MYO1D: variants seen among roughly 807,000 people sequenced by gnomAD.
The protein encoded by MYO1D is myosin ID.
MYO1D carries 83 observed loss-of-function variants against 122.0 expected under a neutral mutation model. That is an observed-to-expected ratio of 0.68 (90% CI 0.57 to 0.82). MYO1D has a LOEUF of 0.82. MYO1D is among the 40% of genes least tolerant of loss of function. The probability of loss-of-function intolerance (pLI) is 0.00; values close to 1 mark genes in which losing one functional copy is unlikely to be tolerated. For synonymous variants in MYO1D, 464 were observed against 446.9 expected (o/e 1.04, Z -0.48); for missense variants, 1,157 against 1,269.5 (o/e 0.91, Z 1.35).
At chr17:32,801,699 G>A (rs1038921835) in intron 1 of MYO1D, among the ~76,000 whole-genome samples, 2 of 152,204 alleles carry the variant, frequency 1.3e-5, no homozygotes, top group Non-Finnish European at 2.9e-5. Flanking sequence ...GTAGACACAT[G>A]TATGTGTGTG....
intron 20 of MYO1D, among the ~76,000 whole-genome samples, chr17:32,620,783 G>A (rs2087845314): frequency 6.6e-6 from 1 of 152,174 alleles, no homozygotes; most frequent in Admixed American, 6.5e-5. Flanking sequence ...TTCTCCTGCA[G>A]TGGTTTCTGA....
At chr17:32,516,477 T>C (rs1429176881) in intron 21 of MYO1D, among the ~76,000 whole-genome samples, 1 of 152,238 alleles carries the variant, frequency 6.6e-6, no homozygotes, top group Admixed American at 6.5e-5. Context: ...GTGTGGGTTC[T>C]CTCAGGCCAC....
At chr17:32,660,475 GT>G (rs1017089888) in intron 16 of MYO1D, among the ~76,000 whole-genome samples, 3 of 152,186 alleles carry the variant, frequency 2.0e-5, no homozygotes, top group East Asian at 1.9e-4. Flanking sequence ...TGACTCAGTT[GT>G]TTTAGGTTTG....
intron 1 of MYO1D, among the ~76,000 whole-genome samples, chr17:32,872,396 C>T (rs1196459230): frequency 6.6e-6 from 1 of 151,912 alleles, no homozygotes; most frequent in Non-Finnish European, 1.5e-5. Flanking sequence ...CCTCAGCCTC[C>T]CAAGTAGCTG....
At chr17:32,705,518 C>T (rs977283025) in intron 16 of MYO1D, among the ~76,000 whole-genome samples, 2 of 152,184 alleles carry the variant, frequency 1.3e-5, no homozygotes, top group African/African-American at 4.8e-5. Context: ...CCGCCTTGGC[C>T]TCCCAAAGTG....
At chr17:32,699,746 A>T (rs1041594099) in intron 16 of MYO1D, among the ~76,000 whole-genome samples, 2 of 152,224 alleles carry the variant, frequency 1.3e-5, no homozygotes, top group Non-Finnish European at 2.9e-5. Context: ...ATGACAAAAT[A>T]TTGTTAATTG....
At chr17:32,640,357 G>C (rs2088178526) in intron 19 of MYO1D, among the ~76,000 whole-genome samples, 1 of 151,388 alleles carries the variant, frequency 6.6e-6, no homozygotes, top group Non-Finnish European at 1.5e-5. Flanking sequence ...TAAGTTTTAG[G>C]GTACATGTGC....
chr17:32,803,509 T>G (rs2090478609), intron 1 of MYO1D, among the ~76,000 whole-genome samples: 2 of 152,216 alleles, frequency 1.3e-5, no homozygotes, highest in African/African-American at 4.8e-5. Flanking sequence ...TATCCTATTT[T>G]AAAACCAAAC....
intron 8 of MYO1D, among the ~76,000 whole-genome samples, chr17:32,764,022 A>T (rs191273221): frequency 4.9e-4 from 75 of 152,374 alleles, no homozygotes; most frequent in Non-Finnish European, 7.3e-4. Flanking sequence ...ATAGATGTAT[A>T]AAGACGTGCA....
intron 21 of MYO1D, among the ~76,000 whole-genome samples, chr17:32,542,729 A>G (rs1297749522): frequency 6.6e-6 from 1 of 152,098 alleles, no homozygotes; most frequent in Non-Finnish European, 1.5e-5. Flanking sequence ...CAATATATGA[A>G]TGACTAGTTT....
chr17:32,703,856 T>C (rs775866018), intron 16 of MYO1D, among the ~76,000 whole-genome samples: 5 of 152,126 alleles, frequency 3.3e-5, no homozygotes, highest in South Asian at 2.1e-4. Context: ...TCCCCAGCCA[T>C]GCAACAAATA....
intron 5 of MYO1D, among the ~76,000 whole-genome samples, chr17:32,772,493 G>A (rs573214544): frequency 6.6e-6 from 1 of 152,232 alleles, no homozygotes; most frequent in African/African-American, 2.4e-5. Flanking sequence ...CATTTCAAAA[G>A]CTTTCACAGT....
chr17:32,555,177 T>C (rs1306849756), intron 21 of MYO1D, among the ~76,000 whole-genome samples: 1 of 152,102 alleles, frequency 6.6e-6, no homozygotes, highest in Non-Finnish European at 1.5e-5. Flanking sequence ...TGTACGAATT[T>C]AGCACAAATT....
chr17:32,631,273 T>C (rs2088002134), intron 20 of MYO1D, among the ~76,000 whole-genome samples: 2 of 152,154 alleles, frequency 1.3e-5, no homozygotes, highest in African/African-American at 4.8e-5. Context: ...TGCCATATGA[T>C]GGAATAATTT....
At chr17:32,796,019 T>G (rs1338015060) in intron 1 of MYO1D, among the ~76,000 whole-genome samples, 1 of 152,126 alleles carries the variant, frequency 6.6e-6, no homozygotes, top group African/African-American at 2.4e-5. Flanking sequence ...CGGTGCTGAG[T>G]GTCCAATAAT....
intron 21 of MYO1D, among the ~76,000 whole-genome samples, chr17:32,588,942 CA>C (rs1363494734): frequency 4.1e-5 from 6 of 145,908 alleles, no homozygotes; most frequent in Admixed American, 2.1e-4. Flanking sequence ...AATTTTGCCT[CA>C]AAAAACAAAC....
intron 3 of MYO1D, among the ~76,000 whole-genome samples, chr17:32,776,898 T>C (rs980297130): frequency 1.3e-5 from 2 of 152,228 alleles, no homozygotes; most frequent in Non-Finnish European, 2.9e-5. Flanking sequence ...TATACAGGCA[T>C]ACCTGCAGAA....
chr17:32,671,778 A>G, intron 16 of MYO1D, among the ~76,000 whole-genome samples: 1 of 152,206 alleles, frequency 6.6e-6, no homozygotes, highest in East Asian at 1.9e-4. Context: ...AAGTTAATTC[A>G]TATGTTAACC....
Position 32,494,774 on chromosome 17 carries a change from G to A in MYO1D, c.3006C>T (p.Ser1002=), listed in dbSNP as rs771823628. 1.2e-5 allele frequency: 19 copies of A among 1,607,084 alleles called. No homozygotes were observed. The Admixed American group carries it at 2.9e-4, about 24-fold the overall frequency. ...FTKNRSGFIL[S]VPGN ...CCGCGGGGCGTCAGTTCCCGGGCAC[G>A]CTGAGGATGAAGCCCGAGCGATTCT... is the stretch of plus-strand genomic sequence containing the variant. The change falls in exon 22 of 22, where the codon AGC becomes AGT. Residue 1002 remains serine, a synonymous_variant. Transcript: ENST00000318217.
Sources: gnomAD v4.1 joint callset for allele counts (sites outside exome capture counted in the v4.1 genomes callset) on GRCh38, gnomAD v4.1.1 for gene constraint, MANE v1.5 for transcripts, NCBI Gene and HGNC (gene_info 2026-07-23, HGNC 2026-07-21) for gene names.